C17orf75: variants seen among roughly 807,000 people sequenced by gnomAD.
C17orf75 encodes protein Njmu-R1.
Under a neutral mutation model 49.6 loss-of-function variants are expected in C17orf75, and 32 were observed. The ratio of observed to expected loss-of-function variants is 0.65; its 90% CI spans 0.49 to 0.87. The LOEUF (loss-of-function observed/expected upper bound fraction) is 0.87. C17orf75 is among the 40% of genes least tolerant of loss of function. The pLI is 0.00. For missense variants in C17orf75, 428 were observed against 473.9 expected, an observed-to-expected ratio of 0.90 and a Z score of 0.90; for synonymous variants, 158 against 159.5, an observed-to-expected ratio of 0.99 and a Z score of 0.07.
chr17:32,342,842 G>A (rs1484784390), upstream of C17orf75, among the ~76,000 whole-genome samples: 1 of 152,146 alleles, frequency 6.6e-6, no homozygotes, highest in African/African-American at 2.4e-5. Context: ...TCCAGTCTCT[G>A]CCCATTACCC....
intron 5 of C17orf75, among the ~76,000 whole-genome samples, chr17:32,337,461 T>TA (rs1026935238): frequency 9.3e-4 from 133 of 143,422 alleles, no homozygotes; most frequent in East Asian, 3.8e-3. Context: ...AGACCCTGTC[T>TA]AAAAAAAAAA....
In C17orf75 at chr17:32,334,812, T is replaced by C. The variant is rs2041310641; in HGVS notation, c.697A>G (p.Lys233Glu). The part of the protein sequence containing the change: ...AALSYTPVEV[K>E]ESDEKTKRDI... ...CTCTTTGTTTTTTCATCTGATTCTT[T>C]AACTTCAACAGGAGTGTAACTCAAA... The change falls in exon 7 of 10, where the codon AAA (lysine) becomes GAA (glutamate). Residue 233 changes from lysine to glutamate, a missense_variant. Coordinates refer to ENST00000577809, the MANE Select transcript of C17orf75 (RefSeq NM_022344.4). 2 of 1,610,182 alleles carry C rather than the reference T, an allele frequency of 1.2e-6. No individual in the cohort carries two copies. The highest frequency in any genetic ancestry group is 2.2e-5 in the East Asian group (1 of 44,882).
At chr17:32,348,625 G>C (rs1160291578) in intron 1 of C17orf75, among the ~76,000 whole-genome samples, 1 of 152,124 alleles carries the variant, frequency 6.6e-6, no homozygotes, top group African/African-American at 2.4e-5. Context: ...AAGTTTAACT[G>C]CCTTGCCCAA....
At position 32,330,654 on chromosome 17, in the gene C17orf75, TA is replaced by T. The variant is rs1006277355; in HGVS notation, c.*1108del. 4.6e-5 allele frequency: 7 copies of T among 152,212 alleles called. No homozygotes were observed. The highest frequency in any genetic ancestry group is 1.7e-4 in the African/African-American group (7 of 41,450). 9.4% of individuals were successfully genotyped at this position (152,212 alleles called of 1,614,324 possible). ...AAAAACTAAAATCAATGAGTAACTC[TA>T]ATAGGAAGAAACTGTTTGCATTCCT... On this transcript the variant is annotated 3_prime_UTR_variant, in exon 10 of 10. Transcript: ENST00000577809.
At chr17:32,337,299 A>C (rs964665686) in intron 5 of C17orf75, among the ~76,000 whole-genome samples, 2 of 152,116 alleles carry the variant, frequency 1.3e-5, no homozygotes, top group African/African-American at 2.4e-5. Flanking sequence ...CCATCTCGAC[A>C]AAAAATACCA....
chr17:32,333,919 C>CA (rs1351138322), intron 8 of C17orf75, among the ~76,000 whole-genome samples: 2 of 152,220 alleles, frequency 1.3e-5, no homozygotes, highest in African/African-American at 4.8e-5. Flanking sequence ...CCTTCCTTTC[C>CA]CATCAGAGAG....
At chr17:32,333,391 C>G in intron 9 of C17orf75, 26 bp downstream of exon 9, 1 of 1,521,328 alleles carries the variant, frequency 6.6e-7, no homozygotes, top group Non-Finnish European at 9.0e-7. Flanking sequence ...TTTCATGTGG[C>G]ACTTGGCACA....
Position 32,341,224 on chromosome 17 carries a change from A to T in C17orf75, c.201T>A (p.Thr67=), listed in dbSNP as rs2041377324. The T allele has an allele frequency of 6.2e-7, 1 of 1,613,906 alleles. No homozygotes were observed. The highest frequency in any genetic ancestry group is 8.5e-7 in the Non-Finnish European group (1 of 1,179,878). The change falls in exon 2 of 10, where the codon ACT becomes ACA. Residue 67 remains threonine (T), a synonymous_variant. Transcript: ENST00000577809. ...TTTACCTGAAATCATCACCAGAGGGAGTTTCTGCATTTGTGCCACTTGGGC... is the reference window on the plus strand; with the variant it reads ...TTTACCTGAAATCATCACCAGAGGGTGTTTCTGCATTTGTGCCACTTGGGC... The part of the protein sequence containing the change: ...DGSPSGTNAE[T]PSGDDFSLSL...
upstream of C17orf75, chr17:32,344,151 C>T: frequency 5.6e-6 from 3 of 534,382 alleles, no homozygotes; most frequent in South Asian, 4.5e-5. Flanking sequence ...CCAAATCTCA[C>T]TCAGGAAACA....
At chr17:32,348,013 AC>A (rs1276674434) in intron 1 of C17orf75, among the ~76,000 whole-genome samples, 2 of 148,904 alleles carry the variant, frequency 1.3e-5, no homozygotes, top group African/African-American at 4.9e-5. Context: ...CCCAGCCTGA[AC>A]TTTTTTTTTT....
At position 32,341,951 on chromosome 17, in the gene C17orf75, C is replaced by T. The variant is rs1260252203; in HGVS notation, c.140+49G>A. The T allele has an allele frequency of 3.3e-6, 4 of 1,230,420 alleles. No homozygotes were observed. The South Asian group carries it at 6.9e-5, about 21-fold the overall frequency. The allele number at this position is 1,230,420 out of a possible 1,614,324, so 76.2% of individuals were successfully genotyped here. On this transcript the variant is annotated intron_variant, in intron 1 of 9. Transcript: ENST00000577809. ...GCAAGGCCGGGCGGCGGGCCGGGGG[C>T]GGGGCCGCAGGGGCGGGCGGGCTGG...
chr17:32,342,190 C>T, upstream of C17orf75: 4 of 1,471,426 alleles, frequency 2.7e-6, no homozygotes, highest in Non-Finnish European at 3.6e-6. Flanking sequence ...CTCCCCTGCT[C>T]CCGTGCAGCC....
At chr17:32,339,015 A>G (rs1488890804) in intron 3 of C17orf75, among the ~76,000 whole-genome samples, 1 of 151,936 alleles carries the variant, frequency 6.6e-6, no homozygotes, top group Non-Finnish European at 1.5e-5. Context: ...TGCTTGAACC[A>G]GGGAGGCGGA....
intron 1 of C17orf75, among the ~76,000 whole-genome samples, chr17:32,347,929 C>T (rs1330358769): frequency 6.6e-6 from 1 of 152,074 alleles, no homozygotes. Context: ...AGGTTGGTCT[C>T]ACACTCCTGG....
intron 1 of C17orf75, among the ~76,000 whole-genome samples, chr17:32,349,016 C>T (rs1305457051): frequency 2.0e-5 from 3 of 151,950 alleles, no homozygotes; most frequent in Non-Finnish European, 4.4e-5. Context: ...CAGGCGCCTG[C>T]CACTACGCCT....
upstream of C17orf75, among the ~76,000 whole-genome samples, chr17:32,347,011 G>A (rs1006534121): frequency 1.1e-4 from 16 of 151,852 alleles, no homozygotes; most frequent in Non-Finnish European, 2.4e-4. Flanking sequence ...GAGTACAGTG[G>A]CACAATCTCA....
At position 32,333,461 on chromosome 17, in the gene C17orf75, T is replaced by C. The variant is rs2041295581; in HGVS notation, c.931A>G (p.Asn311Asp). The C allele has an allele frequency of 2.5e-6, 4 of 1,613,616 alleles. No homozygotes were observed. The highest frequency in any genetic ancestry group is 3.4e-6 in the Non-Finnish European group (4 of 1,179,834). ...QAFLNGAKGG[N>D]PFLFRQVLEN... The stretch of plus-strand genomic sequence containing the variant: ...AGTACTTGTCGGAAAAGAAAAGGGT[T>C]ACCTCCTTTGGCACCATTTAAAAAA... Residue 311 changes from asparagine to aspartate, a missense_variant, in exon 9 of 10, where the codon AAC becomes GAC. Asn to Asp is a conservative substitution (Grantham distance 23). Coordinates refer to ENST00000577809, the MANE Select transcript of C17orf75 (RefSeq NM_022344.4).
upstream of C17orf75, chr17:32,344,002 T>C: frequency 1.5e-6 from 1 of 681,184 alleles, no homozygotes; most frequent in Non-Finnish European, 2.7e-6. Context: ...ATATCGTGGG[T>C]TTAATCCTGG....
intron 1 of C17orf75, among the ~76,000 whole-genome samples, chr17:32,349,705 C>T (rs550006586): frequency 6.6e-6 from 1 of 152,356 alleles, no homozygotes; most frequent in East Asian, 1.9e-4. Context: ...TCCCTCAACG[C>T]CGCACTGAGA....
Sources: allele counts gnomAD v4.1 joint callset (sites outside exome capture counted in the v4.1 genomes callset), GRCh38; gene constraint gnomAD v4.1.1; transcripts MANE v1.5; gene names NCBI Gene and HGNC (gene_info 2026-07-23, HGNC 2026-07-21).